Variants in ZNF483 observed in about 807,000 individuals in gnomAD.
ZNF483 encodes the protein zinc finger protein 483.
In ZNF483, 9 loss-of-function variants were observed where a neutral mutation model predicts 28.6. The ratio of observed to expected loss-of-function variants is 0.32; its 90% CI spans 0.19 to 0.55. The LOEUF is 0.55. ZNF483 is among the 20% of genes least tolerant of loss of function. The pLI, the probability that ZNF483 is intolerant of heterozygous loss-of-function variation, is 0.93. For synonymous variants in ZNF483, 322 were observed against 306.2 expected, an observed-to-expected ratio of 1.05 and a Z score of -0.54; for missense variants, 675 against 871.7, an observed-to-expected ratio of 0.77 and a Z score of 2.84.
rs778567821 is a variant in ZNF483, at chr9:111,543,179, C to G, written c.*9C>G. The G allele has an allele frequency of 3.8e-6, 6 of 1,583,658 alleles. No individual in the cohort carries two copies. On this transcript the variant is annotated 3_prime_UTR_variant, in exon 6 of 6. Coordinates refer to ENST00000309235, the MANE Select transcript of ZNF483 (RefSeq NM_133464.5). ...TTCACTCTGCAGAGTAATCCTGGAA[C>G]TACATTAAAGTGGGGGGAATTTAAT...
At chr9:111,561,276 TG>T (rs1828315486) in intron 5 of ZNF483, among the ~76,000 whole-genome samples, 1 of 151,764 alleles carries the variant, frequency 6.6e-6, no homozygotes. Context: ...GTTGTTGTTT[TG>T]TTTTTAATTT....
At chr9:111,574,785 C>T (rs995030805) in intron 5 of ZNF483, 3 of 1,613,926 alleles carry the variant, frequency 1.9e-6, no homozygotes, top group Non-Finnish European at 1.7e-6. Flanking sequence ...CCACATATGG[C>T]AATCCTTCCA....
chr9:111,572,052 C>G (rs1828841909), intron 5 of ZNF483, among the ~76,000 whole-genome samples: 1 of 152,170 alleles, frequency 6.6e-6, no homozygotes. Context: ...GGAAGTCAGG[C>G]GAAGATGCCT....
In ZNF483 at chr9:111,545,298, G is replaced by A. The variant is rs564624492; in HGVS notation, c.*2128G>A. Among the ~76,000 whole-genome samples, 42 of 152,234 alleles carry A rather than the reference G, an allele frequency of 2.8e-4. No individual in the cohort carries two copies. Among genetic ancestry groups the A allele is most frequent in the South Asian group, 1.2e-3 (6 of 4,824 alleles). Reference sequence around the variant, plus strand: ...ATTTATAGAAAGTTGAAGAAATAACGTAAAAGTCTTCAGAAGAGGCTTGTT... The same window carrying A: ...ATTTATAGAAAGTTGAAGAAATAACATAAAAGTCTTCAGAAGAGGCTTGTT... On this transcript the variant is annotated 3_prime_UTR_variant, in exon 6 of 6. Coordinates refer to ENST00000309235, the MANE Select transcript of ZNF483 (RefSeq NM_133464.5).
At chr9:111,528,148 C>CA (rs1827226795) in intron 2 of ZNF483, 2 of 943,348 alleles carry the variant, frequency 2.1e-6, no homozygotes, top group East Asian at 5.6e-5. Context: ...TGTTTGGAGT[C>CA]ACAGGCAAAT....
chr9:111,544,042 G>A lies in ZNF483; in HGVS notation c.*872G>A, dbSNP rs1589277171. 2.0e-6 allele frequency: 2 copies of A among 985,400 alleles called. No homozygotes were observed. The highest frequency in any genetic ancestry group is 2.4e-6 in the Non-Finnish European group (2 of 829,932). 61.0% of individuals were successfully genotyped at this position (985,400 alleles called of 1,614,324 possible). A position where few individuals can be genotyped will look rare whatever the true frequency, so the allele number is the denominator to read the frequency against. ...TGAAGTTCAAACGACTTTTCCTTGA[G>A]GGAGTATTTTAATCGGACAAGGGAA... On this transcript the variant is annotated 3_prime_UTR_variant, in exon 6 of 6. Transcript: ENST00000309235.
At chr9:111,564,373 A>G (rs1828459208) in intron 5 of ZNF483, 3 of 347,494 alleles carry the variant, frequency 8.6e-6, no homozygotes, top group Non-Finnish European at 1.3e-5. Flanking sequence ...TGGCACAATC[A>G]TAGCTCACTG....
intron 5 of ZNF483, among the ~76,000 whole-genome samples, chr9:111,561,148 GGAGAGA>G (rs527553902): frequency 0.018 from 642 of 34,780 alleles, 19 homozygotes; most frequent in Non-Finnish European, 0.022. Flanking sequence ...GGAGAGAGAG[GGAGAGA>G]GAGAGAGAGA....
chr9:111,532,709 C>A (rs1827379067), intron 3 of ZNF483, among the ~76,000 whole-genome samples: 1 of 152,168 alleles, frequency 6.6e-6, no homozygotes. Context: ...TTTGGCTCTA[C>A]TGCCTTATAA....
intron 5 of ZNF483, among the ~76,000 whole-genome samples, chr9:111,565,725 A>G (rs1564610738): frequency 6.6e-6 from 1 of 151,920 alleles, no homozygotes; most frequent in Non-Finnish European, 1.5e-5. Flanking sequence ...GAGTCTCATT[A>G]TGTTGCCAGG....
Position 111,543,402 on chromosome 9 carries a change from C to A in ZNF483, c.*232C>A. 3.9e-6 allele frequency: 5 copies of A among 1,271,528 alleles called. No individual in the cohort carries two copies. Among genetic ancestry groups the A allele is most frequent in the Non-Finnish European group, 5.0e-6 (5 of 1,008,976 alleles). The allele number at this position is 1,271,528 out of a possible 1,614,324, so 78.8% of individuals were successfully genotyped here. A position where few individuals can be genotyped will look rare whatever the true frequency, so the allele number is the denominator to read the frequency against. Reference sequence around the variant, plus strand: ...GGAAGAATGCAAAATGATTCTGAGGCCAGACGAATTGGAAAAGCTCTTTTC... The same window carrying A: ...GGAAGAATGCAAAATGATTCTGAGGACAGACGAATTGGAAAAGCTCTTTTC... On this transcript the variant is annotated 3_prime_UTR_variant, in exon 6 of 6. Transcript: ENST00000309235.
At chr9:111,534,716 A>ATTT (rs1827438251) in intron 5 of ZNF483, among the ~76,000 whole-genome samples, 3 of 119,272 alleles carry the variant, frequency 2.5e-5, no homozygotes, top group Non-Finnish European at 3.3e-5. Context: ...GTGTCGTTCT[A>ATTT]TCTTTTTTTT....
At position 111,543,287 on chromosome 9, in the gene ZNF483, G is replaced by GA. The variant is rs940197523; in HGVS notation, c.*122dup. On this transcript the variant is annotated 3_prime_UTR_variant, in exon 6 of 6. Coordinates refer to ENST00000309235, the MANE Select transcript of ZNF483 (RefSeq NM_133464.5). ...GCAGCTTTCGTAAATTGGCAGTTAG[G>GA]AAAAATATCCTTTTGCCCATTCATC... is the stretch of plus-strand genomic sequence containing the variant. 6.9e-7 allele frequency: 1 copy of GA among 1,442,844 alleles called. No homozygotes were observed. Among genetic ancestry groups the GA allele is most frequent in the Non-Finnish European group, 9.0e-7 (1 of 1,105,224 alleles). The allele number at this position is 1,442,844 out of a possible 1,614,324, so 89.4% of individuals were successfully genotyped here.
At chr9:111,577,343 C>A (rs1048343678) in exon 6 of ZNF483, 13 of 152,134 alleles carry the variant, frequency 8.5e-5, no homozygotes, top group African/African-American at 1.7e-4. Context: ...GAAGTTGGAA[C>A]CCTCATACAC....
downstream of ZNF483, among the ~76,000 whole-genome samples, chr9:111,556,503 TTGACA>T (rs1233565198): frequency 6.6e-5 from 10 of 152,250 alleles, no homozygotes; most frequent in African/African-American, 2.4e-4. Flanking sequence ...GACTTCTGCC[TTGACA>T]TCCAGGCATT....
chr9:111,528,040 G>C lies in ZNF483; in HGVS notation c.412+233G>C, dbSNP rs1827224427. On this transcript the variant is annotated intron_variant, in intron 2 of 5. Transcript: ENST00000309235. Reference sequence around the variant, plus strand: ...ATTTTATCTTTCTTGTAGTTTTCTTGTAAAGGTGAGACAAGATAGGATATA... The same window carrying C: ...ATTTTATCTTTCTTGTAGTTTTCTTCTAAAGGTGAGACAAGATAGGATATA... 2.8e-6 allele frequency: 4 copies of C among 1,440,246 alleles called. No homozygotes were observed. In the South Asian group the frequency reaches 4.5e-5, roughly 16 times the overall value. The allele number at this position is 1,440,246 out of a possible 1,614,324, so 89.2% of individuals were successfully genotyped here. A position where few individuals can be genotyped will look rare whatever the true frequency, so the allele number is the denominator to read the frequency against.
chr9:111,541,336 GC>G (rs1412582561), intron 5 of ZNF483, among the ~76,000 whole-genome samples: 1 of 152,020 alleles, frequency 6.6e-6, no homozygotes, highest in Non-Finnish European at 1.5e-5. Flanking sequence ...TGATCTCCCT[GC>G]CTTGGCCTCC....
At chr9:111,570,205 TG>T (rs2132347977) in intron 5 of ZNF483, 1 of 1,612,654 alleles carries the variant, frequency 6.2e-7, no homozygotes, top group East Asian at 2.2e-5. Context: ...TCTCTGGGGG[TG>T]GGCCTGTGAA....
intron 5 of ZNF483, among the ~76,000 whole-genome samples, chr9:111,537,282 C>T (rs1827534842): frequency 6.6e-6 from 1 of 151,524 alleles, no homozygotes; most frequent in African/African-American, 2.4e-5. Flanking sequence ...AGTGCAATGG[C>T]GTGATGTCAG....
Sources: gnomAD v4.1 joint callset for allele counts (sites outside exome capture counted in the v4.1 genomes callset) on GRCh38, gnomAD v4.1.1 for gene constraint, MANE v1.5 for transcripts, NCBI Gene and HGNC (gene_info 2026-07-23, HGNC 2026-07-21) for gene names.